The following HDX variants were observed in gnomAD, a reference collection of about 807,000 sequenced individuals.
HDX encodes chromosome X open reading frame 43.
Under a neutral mutation model 45.2 loss-of-function variants are expected in HDX, and 19 were observed. That is an observed-to-expected ratio of 0.42 (90% CI 0.29 to 0.62). The LOEUF (loss-of-function observed/expected upper bound fraction) is 0.62, where lower values mean the gene tolerates loss of function less well. HDX is among the 20% of genes least tolerant of loss of function. The pLI, the probability that HDX is intolerant of heterozygous loss-of-function variation, is 0.20. For missense variants in HDX, 532 were observed against 493.9 expected, an observed-to-expected ratio of 1.08 and a Z score of -0.73; for synonymous variants, 188 against 172.8, an observed-to-expected ratio of 1.09 and a Z score of -0.69.
At position 84,466,320 on chromosome X, in the gene HDX, A is replaced by T. The variant is rs1361960624; in HGVS notation, c.1251+2152T>A. ...TTTTTTTTTCATTTCCTGTCACAAG[A>T]TTCCTGTGAAGTAGGAATTAGTGCC... On this transcript the variant is annotated intron_variant, in intron 4 of 10. Coordinates refer to ENST00000373177, the MANE Select transcript of HDX (RefSeq NM_001177479.2). Among the ~76,000 whole-genome samples the T allele has an allele frequency of 2.7e-5, 3 of 111,745 alleles. No individual in the cohort carries two copies. The East Asian group carries it at 8.5e-4, about 31-fold the overall frequency.
At position 84,488,106 on chromosome X, in the gene HDX, T is replaced by G. The variant is rs2040829364; in HGVS notation, c.-83A>C. On this transcript the variant is annotated 5_prime_UTR_variant, in exon 2 of 11. Transcript: ENST00000373177. ...CCTTTAGGAGTTCTGAGGGAGTTTCTCTTAAAATTTTGTCCAGAGATTGTA... is the reference window on the plus strand; with the variant it reads ...CCTTTAGGAGTTCTGAGGGAGTTTCGCTTAAAATTTTGTCCAGAGATTGTA... The G allele has an allele frequency of 9.0e-6, 1 of 111,368 alleles. No homozygotes were observed. The highest frequency in any genetic ancestry group is 3.7e-4 in the South Asian group (1 of 2,690). 9.2% of individuals were successfully genotyped at this position (111,368 alleles called of 1,213,427 possible).
intron 9 of HDX, among the ~76,000 whole-genome samples, chrX:84,326,636 G>T (rs1049930715): frequency 1.3e-4 from 15 of 111,367 alleles, no homozygotes; most frequent in Non-Finnish European, 2.8e-4. Context: ...ATAAAGGTTG[G>T]GTGCGTGGCT....
intron 4 of HDX, among the ~76,000 whole-genome samples, chrX:84,467,820 A>G (rs1240488906): frequency 1.8e-5 from 2 of 111,447 alleles, no homozygotes; most frequent in African/African-American, 6.5e-5. Context: ...GCATACCTGA[A>G]CAATTGAATA....
chrX:84,490,880 G>C (rs997165636), intron 1 of HDX, among the ~76,000 whole-genome samples: 2 of 109,622 alleles, frequency 1.8e-5, no homozygotes, highest in South Asian at 7.6e-4. Context: ...TTTCTGTGTT[G>C]CATTGTTTCC....
At chrX:84,406,943 A>C (rs899854221) in intron 5 of HDX, among the ~76,000 whole-genome samples, 7 of 111,373 alleles carry the variant, frequency 6.3e-5, no homozygotes, top group South Asian at 7.6e-4. Context: ...TGAAAAAAAA[A>C]CACTTTATTA....
At chrX:84,345,018 A>G (rs1052392814) in intron 6 of HDX, among the ~76,000 whole-genome samples, 12 of 110,835 alleles carry the variant, frequency 1.1e-4, no homozygotes, top group African/African-American at 3.9e-4. Context: ...TGCTCTTCCT[A>G]TGCAAAAATG....
At chrX:84,428,754 T>C (rs2039440319) in intron 5 of HDX, among the ~76,000 whole-genome samples, 1 of 111,079 alleles carries the variant, frequency 9.0e-6, no homozygotes, top group Non-Finnish European at 1.9e-5. Flanking sequence ...TTATGAATCA[T>C]GCTTTTAATG....
At chrX:84,352,707 A>G (rs1197602878) in intron 6 of HDX, among the ~76,000 whole-genome samples, 1 of 112,011 alleles carries the variant, frequency 8.9e-6, no homozygotes, top group Non-Finnish European at 1.9e-5. Flanking sequence ...TTCTCATTAC[A>G]TCCATCATAA....
intron 2 of HDX, among the ~76,000 whole-genome samples, chrX:84,487,528 G>A (rs1049967562): frequency 2.7e-5 from 3 of 111,908 alleles, no homozygotes; most frequent in Non-Finnish European, 3.8e-5. Context: ...GTGTTATTTT[G>A]GGTCTGTCCT....
chrX:84,329,141 A>G (rs1226518992), intron 9 of HDX, among the ~76,000 whole-genome samples: 1 of 112,032 alleles, frequency 8.9e-6, no homozygotes, highest in Non-Finnish European at 1.9e-5. Flanking sequence ...TTCAGAGAGA[A>G]TAGATTGTAA....
At chrX:84,459,247 C>T (rs62613289) in intron 4 of HDX, among the ~76,000 whole-genome samples, 1 of 110,428 alleles carries the variant, frequency 9.1e-6, no homozygotes. Flanking sequence ...TCAAGACCAT[C>T]CTGGCTAACA....
chrX:84,470,326 T>TC (rs1243351400), intron 3 of HDX, among the ~76,000 whole-genome samples: 19 of 111,647 alleles, frequency 1.7e-4, no homozygotes, highest in African/African-American at 5.8e-4. Flanking sequence ...CTTTTTGTAG[T>TC]CTTTACTAGT....
intron 4 of HDX, among the ~76,000 whole-genome samples, chrX:84,460,340 A>C (rs941424213): frequency 8.9e-6 from 1 of 112,257 alleles, no homozygotes; most frequent in Non-Finnish European, 1.9e-5. Context: ...AAGATCATTC[A>C]TTATGGCTAA....
chrX:84,358,342 G>A (rs764526686), intron 6 of HDX, among the ~76,000 whole-genome samples: 12 of 108,570 alleles, frequency 1.1e-4, no homozygotes, highest in East Asian at 3.1e-4. Flanking sequence ...AGCTATATAC[G>A]TATATAACTT....
intron 6 of HDX, among the ~76,000 whole-genome samples, chrX:84,360,655 T>C (rs750583803): frequency 7.2e-5 from 8 of 111,329 alleles, no homozygotes; most frequent in African/African-American, 1.6e-4. Context: ...TTCATATAAA[T>C]GAAATAATAT....
chrX:84,377,389 C>G (rs762739872), intron 5 of HDX, among the ~76,000 whole-genome samples: 1 of 111,158 alleles, frequency 9.0e-6, no homozygotes, highest in Admixed American at 9.6e-5. Context: ...CATGAACTCA[C>G]CAAATGAAGA....
At chrX:84,350,452 C>A (rs56034918) in intron 6 of HDX, among the ~76,000 whole-genome samples, 9,250 of 110,875 alleles carry the variant, frequency 0.083, 395 homozygotes, top group East Asian at 0.26. Context: ...TTTGGATTTG[C>A]TTATTCTTCT....
At chrX:84,375,286 C>T (rs1490009663) in intron 5 of HDX, among the ~76,000 whole-genome samples, 1 of 111,152 alleles carries the variant, frequency 9.0e-6, no homozygotes, top group African/African-American at 3.3e-5. Context: ...GACACTTTTA[C>T]ACTGCTGGTG....
At chrX:84,361,171 T>A (rs1468618516) in intron 6 of HDX, among the ~76,000 whole-genome samples, 2 of 112,047 alleles carry the variant, frequency 1.8e-5, no homozygotes, top group African/African-American at 6.5e-5. Context: ...ATGTTGAACA[T>A]AATTTCAGGT....
Sources: allele counts gnomAD v4.1 joint callset (sites outside exome capture counted in the v4.1 genomes callset), GRCh38; gene constraint gnomAD v4.1.1; transcripts MANE v1.5; gene names NCBI Gene and HGNC (gene_info 2026-07-23, HGNC 2026-07-21).